FBXL20: variants seen among roughly 807,000 people sequenced by gnomAD.
FBXL20 encodes the protein F-box/LRR-repeat protein 20.
FBXL20 carries 11 observed loss-of-function variants against 64.0 expected under a neutral mutation model. The ratio of observed to expected loss-of-function variants is 0.17; its 90% CI spans 0.11 to 0.28. The LOEUF (loss-of-function observed/expected upper bound fraction) is 0.28. Ranked by LOEUF, FBXL20 falls within the 10% of genes least tolerant of loss-of-function variation. The pLI is 1.00. For missense variants in FBXL20, 303 were observed against 526.2 expected, an observed-to-expected ratio of 0.58 and a Z score of 4.15; for synonymous variants, 184 against 189.0, an observed-to-expected ratio of 0.97 and a Z score of 0.22.
At chr17:39,292,701 C>T (rs774755057) in intron 6 of FBXL20, among the ~76,000 whole-genome samples, 7 of 151,916 alleles carry the variant, frequency 4.6e-5, no homozygotes, top group Admixed American at 1.3e-4. Flanking sequence ...CTCACTGCAA[C>T]CTCTGCCTCT....
intron 2 of FBXL20, among the ~76,000 whole-genome samples, chr17:39,312,376 T>G (rs1358606478): frequency 6.6e-6 from 1 of 151,030 alleles, no homozygotes; most frequent in East Asian, 2.0e-4. Flanking sequence ...ATTGTGCCAC[T>G]GCACTCCAGC....
At chr17:39,364,633 T>C (rs1376564878) in intron 1 of FBXL20, among the ~76,000 whole-genome samples, 1 of 152,028 alleles carries the variant, frequency 6.6e-6, no homozygotes, top group Non-Finnish European at 1.5e-5. Context: ...AAAAAAAGAA[T>C]GTGGCAGGAA....
chr17:39,287,535 T>G (rs1346623903), intron 6 of FBXL20, among the ~76,000 whole-genome samples: 1 of 152,072 alleles, frequency 6.6e-6, no homozygotes, highest in East Asian at 1.9e-4. Context: ...GCCTCCTGAG[T>G]AGCAAGGACT....
intron 6 of FBXL20, among the ~76,000 whole-genome samples, chr17:39,292,329 A>AT (rs149666105): frequency 6.7e-6 from 1 of 150,112 alleles, no homozygotes; most frequent in African/African-American, 2.5e-5. Context: ...TTTTAGTTTC[A>AT]TTTTTTTAAA....
intron 9 of FBXL20, among the ~76,000 whole-genome samples, chr17:39,276,697 G>A (rs952783257): frequency 3.3e-5 from 5 of 152,080 alleles, no homozygotes; most frequent in African/African-American, 4.8e-5. Context: ...GGGCCACCAC[G>A]CCCGGCCCAG....
At chr17:39,381,911 A>G (rs1237222840) in intron 1 of FBXL20, among the ~76,000 whole-genome samples, 1 of 151,564 alleles carries the variant, frequency 6.6e-6, no homozygotes, top group Non-Finnish European at 1.5e-5. Flanking sequence ...CCTAGCAAAC[A>G]TGGTGAAACC....
intron 2 of FBXL20, among the ~76,000 whole-genome samples, chr17:39,336,751 G>A (rs2047525489): frequency 6.6e-6 from 1 of 151,678 alleles, no homozygotes; most frequent in African/African-American, 2.4e-5. Flanking sequence ...TTGAACCTGG[G>A]AGGCAGAGGT....
At chr17:39,353,019 A>G (rs2047702563) in intron 1 of FBXL20, among the ~76,000 whole-genome samples, 1 of 152,128 alleles carries the variant, frequency 6.6e-6, no homozygotes, top group Non-Finnish European at 1.5e-5. Context: ...TCTGCTGCTT[A>G]GAATAGGATT....
chr17:39,299,120 A>T (rs1247443327), intron 4 of FBXL20, 36 bp from the exon 5 acceptor site: 1 of 1,403,028 alleles, frequency 7.1e-7, no homozygotes, highest in East Asian at 2.3e-5. Context: ...AAGATAACCC[A>T]CCTCATTACT....
At position 39,401,606 on chromosome 17, in the gene FBXL20, G is replaced by T; in HGVS notation, c.-204C>A. ...GCGCCGGCGGCCGCAACGACTGCTCGTCGCTAGCTCGGCTCTCTCCTCAGC... is the reference window on the plus strand; with the variant it reads ...GCGCCGGCGGCCGCAACGACTGCTCTTCGCTAGCTCGGCTCTCTCCTCAGC... On this transcript the variant is annotated 5_prime_UTR_variant, in exon 1 of 15. Transcript: ENST00000264658. The T allele has an allele frequency of 7.1e-7, 1 of 1,404,170 alleles. No individual in the cohort carries two copies. Among genetic ancestry groups the T allele is most frequent in the Non-Finnish European group, 9.2e-7 (1 of 1,088,230 alleles). The allele number at this position is 1,404,170 out of a possible 1,614,324, so 87.0% of individuals were successfully genotyped here.
At position 39,390,986 on chromosome 17, in the gene FBXL20, T is replaced by G. The variant is rs141900280; in HGVS notation, c.42+10375A>C. On this transcript the variant is annotated intron_variant, in intron 1 of 14. Coordinates refer to ENST00000264658, the MANE Select transcript of FBXL20 (RefSeq NM_032875.3). ...GCTTGAACCCAGGCAGAGGTTGCACTGAGCAGAGACAGCTCCACTGCACTC... is the reference window on the plus strand; with the variant it reads ...GCTTGAACCCAGGCAGAGGTTGCACGGAGCAGAGACAGCTCCACTGCACTC... Among the ~76,000 whole-genome samples the G allele has an allele frequency of 9.2e-3, 1,399 of 152,206 alleles. 19 individuals are homozygous for G. Among genetic ancestry groups the G allele is most frequent in the African/African-American group, 0.032 (1,322 of 41,536 alleles).
chr17:39,364,830 G>A (rs920735057), intron 1 of FBXL20, among the ~76,000 whole-genome samples: 6 of 152,146 alleles, frequency 3.9e-5, no homozygotes, highest in East Asian at 1.9e-4. Flanking sequence ...TCTTAGACAC[G>A]TAAGCCCCAC....
rs746086439 is a variant in FBXL20, at chr17:39,355,855, C to CAAAA, written c.43-12618_43-12615dup. On this transcript the variant is annotated intron_variant, in intron 1 of 14. Transcript: ENST00000264658. ...GAGGGACAAAATCGAGACTTCGTCT[C>CAAAA]AAAAAAAAAAAAAAAAAAAAAGAAC... 6.8e-3 allele frequency among the ~76,000 whole-genome samples: 459 copies of CAAAA among 67,390 alleles called. 9 individuals carry two copies. The highest frequency in any genetic ancestry group is 0.012 in the African/African-American group (221 of 18,856). The allele number at this position is 67,390 out of a possible 152,430, so 44.2% of individuals were successfully genotyped here.
intron 12 of FBXL20, among the ~76,000 whole-genome samples, chr17:39,268,310 G>A (rs1335982960): frequency 2.0e-5 from 3 of 151,948 alleles, no homozygotes; most frequent in Non-Finnish European, 2.9e-5. Context: ...CTGAGATCTC[G>A]CCACTGCACT....
Position 39,362,432 on chromosome 17 carries a change from T to A in FBXL20, c.43-19191A>T, listed in dbSNP as rs550864159. On this transcript the variant is annotated intron_variant, in intron 1 of 14. Coordinates refer to ENST00000264658, the MANE Select transcript of FBXL20 (RefSeq NM_032875.3). Reference sequence around the variant, plus strand: ...CTGGGTAAGATGGCAAGACCCCATCTCCTGCCTCAGCCTCCCGGGTAGCTG... The same window carrying A: ...CTGGGTAAGATGGCAAGACCCCATCACCTGCCTCAGCCTCCCGGGTAGCTG... 1.4e-3 allele frequency among the ~76,000 whole-genome samples: 213 copies of A among 151,734 alleles called. 3 individuals carry two copies. The highest frequency in any genetic ancestry group is 2.6e-3 in the South Asian group (12 of 4,700).
chr17:39,297,039 CT>C (rs1327361689), intron 6 of FBXL20, 87 bp downstream of exon 6: 1 of 770,456 alleles, frequency 1.3e-6, no homozygotes, highest in Non-Finnish European at 2.0e-6. Context: ...ATAAAATTTG[CT>C]CAATAGAGTT....
intron 1 of FBXL20, among the ~76,000 whole-genome samples, chr17:39,349,681 A>C (rs1350672922): frequency 6.6e-6 from 1 of 152,164 alleles, no homozygotes; most frequent in Non-Finnish European, 1.5e-5. Flanking sequence ...TCACGCCTGT[A>C]ATCCCAGCAC....
chr17:39,267,513 T>TTAA (rs2046802810), intron 12 of FBXL20, among the ~76,000 whole-genome samples: 1 of 152,166 alleles, frequency 6.6e-6, no homozygotes, highest in African/African-American at 2.4e-5. Flanking sequence ...ATGAAAAAAA[T>TTAA]TAATGTTGGA....
chr17:39,315,471 T>C (rs1187610076), intron 2 of FBXL20, among the ~76,000 whole-genome samples: 1 of 150,634 alleles, frequency 6.6e-6, no homozygotes, highest in East Asian at 1.9e-4. Context: ...TTTCCTTTGT[T>C]GAAAGAGTCA....
Sources: gnomAD v4.1 joint callset for allele counts (sites outside exome capture counted in the v4.1 genomes callset) on GRCh38, gnomAD v4.1.1 for gene constraint, MANE v1.5 for transcripts, NCBI Gene and HGNC (gene_info 2026-07-23, HGNC 2026-07-21) for gene names.